The following RANBP2 variants were observed in gnomAD, a reference collection of about 807,000 sequenced individuals.
The protein encoded by RANBP2 is E3 SUMO-protein ligase RanBP2.
In RANBP2, 57 loss-of-function variants were observed where a neutral mutation model predicts 303.6. The ratio of observed to expected loss-of-function variants is 0.19; its 90% CI spans 0.15 to 0.23. The LOEUF is 0.23. Ranked by LOEUF, RANBP2 falls within the 10% of genes least tolerant of loss-of-function variation. The pLI is 1.00. For synonymous variants in RANBP2, 1,167 were observed against 1,301.5 expected, an observed-to-expected ratio of 0.90 and a Z score of 2.23; for missense variants, 3,138 against 3,780.8, an observed-to-expected ratio of 0.83 and a Z score of 4.46.
At chr2:109,212,570 TGAG>T in the RANBP2 span, among the ~76,000 whole-genome samples, 1 of 152,218 alleles carries the variant, frequency 6.6e-6, no homozygotes, top group Non-Finnish European at 1.5e-5. Context: ...TGGAGTGGCT[TGAG>T]GAGAAGTCGG....
At chr2:109,206,825 C>A in the RANBP2 span, among the ~76,000 whole-genome samples, 1 of 152,184 alleles carries the variant, frequency 6.6e-6, no homozygotes. Context: ...AGTTACTTAA[C>A]TCTGGCATTT....
the RANBP2 span, among the ~76,000 whole-genome samples, chr2:109,142,500 C>T: frequency 2.0e-5 from 3 of 152,178 alleles, no homozygotes; most frequent in East Asian, 1.9e-4. Context: ...GCACAGCGGC[C>T]GAGAGTGAGG....
chr2:108,827,676 C>T, the RANBP2 span, among the ~76,000 whole-genome samples: 12,730 of 151,836 alleles, frequency 0.084, 712 homozygotes, highest in African/African-American at 0.15. Context: ...ATTAGCCAGG[C>T]GTGGTGGCAG....
rs1426985726 is a variant in RANBP2, at chr2:108,719,574, C to T, written c.-33C>T. On this transcript the variant is annotated 5_prime_UTR_variant, in exon 1 of 29. Transcript: ENST00000283195. ...GACTGCTGCGGGCCTGAGCGCTGGT[C>T]TCACGCGCCTCGGGAGCCAGGTTGG... The T allele has an allele frequency of 4.4e-6, 7 of 1,589,138 alleles. No individual in the cohort carries two copies. The highest frequency in any genetic ancestry group is 6.0e-6 in the Non-Finnish European group (7 of 1,169,680).
At chr2:108,896,969 C>T in the RANBP2 span, 2 of 1,613,792 alleles carry the variant, frequency 1.2e-6, no homozygotes, top group African/African-American at 1.3e-5. Flanking sequence ...AGTATGTCTG[C>T]ACACAAGGAC....
At chr2:109,334,135 G>T in the RANBP2 span, among the ~76,000 whole-genome samples, 2 of 152,114 alleles carry the variant, frequency 1.3e-5, no homozygotes, top group Non-Finnish European at 2.9e-5. Context: ...AAAGTGGGAG[G>T]ACTGTTTGAG....
At chr2:109,555,464 C>A in the RANBP2 span, among the ~76,000 whole-genome samples, 1 of 152,184 alleles carries the variant, frequency 6.6e-6, no homozygotes, top group East Asian at 1.9e-4. Flanking sequence ...AAGTCTCCCC[C>A]ACTCTCCCCT....
chr2:109,114,430 G>A, the RANBP2 span, among the ~76,000 whole-genome samples: 1 of 152,146 alleles, frequency 6.6e-6, no homozygotes, highest in Admixed American at 6.6e-5. Context: ...AGAGGTGTTT[G>A]TAGTATTCTC....
At chr2:109,050,194 T>G in the RANBP2 span, among the ~76,000 whole-genome samples, 1 of 152,240 alleles carries the variant, frequency 6.6e-6, no homozygotes, top group African/African-American at 2.4e-5. Flanking sequence ...GTTGGAATAA[T>G]GTCACTTTGG....
the RANBP2 span, among the ~76,000 whole-genome samples, chr2:109,719,409 C>CTT: frequency 5.9e-4 from 74 of 125,302 alleles, no homozygotes; most frequent in Admixed American, 4.1e-3. Flanking sequence ...TGTGATATAT[C>CTT]TTTTTTTTTT....
the RANBP2 span, among the ~76,000 whole-genome samples, chr2:109,102,246 G>A: frequency 2.0e-5 from 3 of 151,820 alleles, no homozygotes; most frequent in African/African-American, 7.3e-5. Flanking sequence ...GACTACAGGC[G>A]CCTGCCACCA....
the RANBP2 span, among the ~76,000 whole-genome samples, chr2:109,281,829 G>A: frequency 3.9e-5 from 6 of 152,206 alleles, no homozygotes; most frequent in African/African-American, 1.4e-4. Flanking sequence ...GACCATGGGA[G>A]GGTGTTGGGG....
At chr2:108,798,719 AC>A in the RANBP2 span, 2 of 533,868 alleles carry the variant, frequency 3.7e-6, no homozygotes, top group Non-Finnish European at 6.6e-6. Context: ...ACACACACAC[AC>A]ACACACACAC....
the RANBP2 span, among the ~76,000 whole-genome samples, chr2:109,439,481 C>G: frequency 2.0e-5 from 3 of 152,164 alleles, no homozygotes; most frequent in African/African-American, 7.2e-5. Context: ...GCAGTAATTG[C>G]CCATTTCAGC....
At chr2:109,222,116 G>T in the RANBP2 span, among the ~76,000 whole-genome samples, 12 of 152,170 alleles carry the variant, frequency 7.9e-5, no homozygotes, top group African/African-American at 2.7e-4. Context: ...AATATTGGAC[G>T]ATCTCACTCA....
chr2:109,603,208 T>C, the RANBP2 span, among the ~76,000 whole-genome samples: 2 of 152,130 alleles, frequency 1.3e-5, no homozygotes, highest in African/African-American at 4.8e-5. Context: ...TCCACAAATG[T>C]ACATAATGTT....
At chr2:109,292,303 C>G in the RANBP2 span, among the ~76,000 whole-genome samples, 6 of 151,814 alleles carry the variant, frequency 4.0e-5, no homozygotes, top group Non-Finnish European at 5.9e-5. Flanking sequence ...CCAGAGAGTC[C>G]CCTTGTTAGT....
chr2:108,957,493 A>AG, the RANBP2 span, among the ~76,000 whole-genome samples: 26 of 152,188 alleles, frequency 1.7e-4, no homozygotes, highest in African/African-American at 5.5e-4. Context: ...GAGGCCCCCC[A>AG]GGGGGCTGGA....
the RANBP2 span, among the ~76,000 whole-genome samples, chr2:109,221,625 G>A: frequency 6.7e-6 from 1 of 150,252 alleles, no homozygotes; most frequent in Admixed American, 6.6e-5. Flanking sequence ...CTGATGGTTA[G>A]TAATGTTGAG....
Sources: gnomAD v4.1 joint callset for allele counts (sites outside exome capture counted in the v4.1 genomes callset) on GRCh38, gnomAD v4.1.1 for gene constraint, MANE v1.5 for transcripts, NCBI Gene and HGNC (gene_info 2026-07-23, HGNC 2026-07-21) for gene names.